Variants in NAALADL2 observed in about 807,000 individuals in gnomAD.
The protein encoded by NAALADL2 is N-acetylated alpha-linked acidic dipeptidase like 2.
NAALADL2 carries 76 observed loss-of-function variants against 87.2 expected under a neutral mutation model. The ratio of observed to expected loss-of-function variants is 0.87; its 90% CI spans 0.72 to 1.05. NAALADL2 has a LOEUF of 1.05. NAALADL2 is among the 50% of genes least tolerant of loss of function. The probability of loss-of-function intolerance (pLI) is 0.00; values close to 1 mark genes in which losing one functional copy is unlikely to be tolerated. For missense variants in NAALADL2, 1,089 were observed against 945.8 expected, an observed-to-expected ratio of 1.15 and a Z score of -1.99; for synonymous variants, 354 against 331.0, an observed-to-expected ratio of 1.07 and a Z score of -0.75.
intron 9 of NAALADL2, among the ~76,000 whole-genome samples, chr3:175,544,466 C>T (rs1483522338): frequency 6.6e-6 from 1 of 152,100 alleles, no homozygotes; most frequent in Admixed American, 6.5e-5. Flanking sequence ...AGTTTTTATT[C>T]TCAAAAGTAA....
intron 11 of NAALADL2, among the ~76,000 whole-genome samples, chr3:175,704,405 C>A (rs908553600): frequency 1.3e-5 from 2 of 152,092 alleles, no homozygotes; most frequent in Non-Finnish European, 2.9e-5. Context: ...CTGCACAAAC[C>A]CCTTTTCTTA....
At chr3:175,071,940 A>G (rs1365494963) in intron 1 of NAALADL2, among the ~76,000 whole-genome samples, 2 of 152,056 alleles carry the variant, frequency 1.3e-5, no homozygotes, top group Non-Finnish European at 2.9e-5. Context: ...GTTTTTAACT[A>G]TATGATGTGG....
At chr3:175,689,276 C>T (rs1401473452) in intron 11 of NAALADL2, among the ~76,000 whole-genome samples, 3 of 152,006 alleles carry the variant, frequency 2.0e-5, no homozygotes, top group African/African-American at 7.2e-5. Flanking sequence ...TCTCAGGAAT[C>T]ATTTTAAAAT....
chr3:174,878,671 C>G (rs141771264), intron 1 of NAALADL2, among the ~76,000 whole-genome samples: 1 of 152,058 alleles, frequency 6.6e-6, no homozygotes, highest in Non-Finnish European at 1.5e-5. Context: ...TTCTGCCGCT[C>G]TTTTCTATTT....
At chr3:175,726,384 A>G (rs1003524775) in intron 11 of NAALADL2, among the ~76,000 whole-genome samples, 4 of 152,088 alleles carry the variant, frequency 2.6e-5, no homozygotes, top group African/African-American at 9.7e-5. Flanking sequence ...GGCTTTCTTC[A>G]GCCCTGGAAA....
chr3:175,591,903 T>C (rs1326716036), intron 10 of NAALADL2, among the ~76,000 whole-genome samples: 1 of 151,200 alleles, frequency 6.6e-6, no homozygotes, highest in Admixed American at 6.6e-5. Context: ...ACACCCATCA[T>C]AGGTGAAGTA....
intron 1 of NAALADL2, among the ~76,000 whole-genome samples, chr3:174,924,549 T>A (rs1157723060): frequency 6.6e-6 from 1 of 152,186 alleles, no homozygotes; most frequent in East Asian, 1.9e-4. Flanking sequence ...TATAGCAGTA[T>A]GATTTATAAT....
intron 1 of NAALADL2, among the ~76,000 whole-genome samples, chr3:175,090,416 C>T (rs1052217142): frequency 6.6e-6 from 1 of 151,894 alleles, no homozygotes; most frequent in Non-Finnish European, 1.5e-5. Flanking sequence ...CTCAGGTGGG[C>T]CCAACTAACC....
chr3:175,072,165 T>C (rs150328339), intron 1 of NAALADL2, among the ~76,000 whole-genome samples: 374 of 152,136 alleles, frequency 2.5e-3, no homozygotes, highest in African/African-American at 8.6e-3. Flanking sequence ...TTCTACAAGC[T>C]TTACACAAAA....
chr3:175,307,243 G>A (rs1296248013), intron 4 of NAALADL2, among the ~76,000 whole-genome samples: 1 of 151,972 alleles, frequency 6.6e-6, no homozygotes, highest in Non-Finnish European at 1.5e-5. Context: ...GAGTAGTTGT[G>A]ACAATTAAAT....
rs766727819 is a variant in NAALADL2 at position 175,576,086 on chromosome 3, A to G, written c.1699A>G (p.Asn567Asp). The G allele has an allele frequency of 6.2e-6, 10 of 1,613,246 alleles. No homozygotes were observed. In the Admixed American group the frequency reaches 8.3e-5, roughly 13 times the overall value. ...CAGAAGAGCCCAGTGCCCAGAAACC[A>G]ATATCAGTTCTATACAGATACAAGG... ...CTRRAQCPET[N>D]ISSIQIQGDA... Residue 567 changes from asparagine (N) to aspartate (D), a missense_variant, in exon 10 of 14, where the codon AAT becomes GAT. Asn to Asp is a conservative substitution (Grantham distance 23). Coordinates refer to ENST00000454872, the MANE Select transcript of NAALADL2 (RefSeq NM_207015.3).
At chr3:175,463,023 C>T (rs1015766056) in intron 6 of NAALADL2, among the ~76,000 whole-genome samples, 3 of 152,058 alleles carry the variant, frequency 2.0e-5, no homozygotes, top group Non-Finnish European at 4.4e-5. Flanking sequence ...ATTCAATATT[C>T]TTTGGAAATA....
In NAALADL2 at chr3:174,976,379, A is replaced by G. The variant is rs182193880; in HGVS notation, c.43+116929A>G. On this transcript the variant is annotated intron_variant, in intron 1 of 13. Coordinates refer to ENST00000454872, the MANE Select transcript of NAALADL2 (RefSeq NM_207015.3). ...TTAAGTACACATAAGTAAAACAAGT[A>G]TTTGTTTTAGTAGAAGTCCAATTTG... is the stretch of plus-strand genomic sequence containing the variant. 2.0e-5 allele frequency among the ~76,000 whole-genome samples: 3 copies of G among 152,258 alleles called. No individual in the cohort carries two copies. The East Asian group carries it at 5.8e-4, about 29-fold the overall frequency.
intron 1 of NAALADL2, among the ~76,000 whole-genome samples, chr3:174,442,908 A>C (rs1337037830): frequency 6.6e-6 from 1 of 152,154 alleles, no homozygotes; most frequent in Non-Finnish European, 1.5e-5. Context: ...TATTTGGGGC[A>C]AGAGTTTCCG....
intron 13 of NAALADL2, among the ~76,000 whole-genome samples, chr3:175,780,745 TGAATA>T (rs1356148535): frequency 6.6e-6 from 1 of 152,222 alleles, no homozygotes; most frequent in Non-Finnish European, 1.5e-5. Flanking sequence ...TACATGGAGT[TGAATA>T]GAAACATTTC....
intron 2 of NAALADL2, among the ~76,000 whole-genome samples, chr3:174,707,485 T>C (rs1216088060): frequency 3.3e-5 from 5 of 152,154 alleles, no homozygotes; most frequent in African/African-American, 1.2e-4. Context: ...GATGAGTTCA[T>C]GTCCTTTGTA....
chr3:174,925,747 C>T (rs968509753), intron 1 of NAALADL2, among the ~76,000 whole-genome samples: 2 of 152,066 alleles, frequency 1.3e-5, no homozygotes, highest in Admixed American at 6.6e-5. Context: ...TCTTTTATTT[C>T]ATTGAGCTGT....
intron 1 of NAALADL2, among the ~76,000 whole-genome samples, chr3:175,057,642 C>T (rs574571808): frequency 1.3e-5 from 2 of 152,286 alleles, no homozygotes; most frequent in African/African-American, 4.8e-5. Flanking sequence ...CAGCTGGATT[C>T]AAGCAGTGAG....
At chr3:174,866,947 C>T (rs1271031480) in intron 1 of NAALADL2, among the ~76,000 whole-genome samples, 1 of 150,844 alleles carries the variant, frequency 6.6e-6, no homozygotes, top group Non-Finnish European at 1.5e-5. Context: ...TTTTTCTTTT[C>T]TAGATTAGAA....
Sources: gnomAD v4.1 joint callset for allele counts (sites outside exome capture counted in the v4.1 genomes callset) on GRCh38, gnomAD v4.1.1 for gene constraint, MANE v1.5 for transcripts, NCBI Gene and HGNC (gene_info 2026-07-23, HGNC 2026-07-21) for gene names.